Variants in HRH1 observed in about 807,000 individuals in gnomAD.
HRH1 encodes the protein histamine receptor H1, also known as histamine H1 receptor.
A neutral mutation model predicts 10.3 loss-of-function variants in HRH1; 6 were observed. That is an observed-to-expected ratio of 0.58 (90% CI 0.32 to 1.15). The LOEUF (loss-of-function observed/expected upper bound fraction) is 1.15. Among genes scored for constraint, HRH1 ranks in the 50% most tolerant of loss-of-function variants. The pLI is 0.05. For synonymous variants in HRH1, 242 were observed against 236.7 expected, an observed-to-expected ratio of 1.02 and a Z score of -0.21; for missense variants, 514 against 615.3, an observed-to-expected ratio of 0.84 and a Z score of 1.74.
At chr3:11,238,526 A>T (rs1026238913) in intron 1 of HRH1, among the ~76,000 whole-genome samples, 7 of 152,208 alleles carry the variant, frequency 4.6e-5, no homozygotes, top group Non-Finnish European at 8.8e-5. Flanking sequence ...CCACTGAAAA[A>T]TTTTAAAAAC....
chr3:11,180,627 C>G (rs1176398474), intron 1 of HRH1, among the ~76,000 whole-genome samples: 1 of 152,078 alleles, frequency 6.6e-6, no homozygotes, highest in African/African-American at 2.4e-5. Context: ...CACCTCCAGC[C>G]CCTGGCAACC....
upstream of HRH1, among the ~76,000 whole-genome samples, chr3:11,149,961 G>A (rs536523137): frequency 1.3e-5 from 2 of 152,304 alleles, no homozygotes; most frequent in East Asian, 1.9e-4. Flanking sequence ...TTCACTCACT[G>A]CAGTGCTCTG....
chr3:11,215,228 T>G (rs1341542255), intron 1 of HRH1, among the ~76,000 whole-genome samples: 1 of 152,246 alleles, frequency 6.6e-6, no homozygotes, highest in Non-Finnish European at 1.5e-5. Flanking sequence ...TATTTGACTT[T>G]GCTCCCATGG....
intron 1 of HRH1, among the ~76,000 whole-genome samples, chr3:11,244,045 C>T (rs950604793): frequency 2.0e-5 from 3 of 152,168 alleles, no homozygotes; most frequent in Non-Finnish European, 2.9e-5. Flanking sequence ...ATGAAATAGA[C>T]GTGAGGTCCA....
chr3:11,239,738 G>A (rs1939285772), intron 1 of HRH1, among the ~76,000 whole-genome samples: 1 of 152,048 alleles, frequency 6.6e-6, no homozygotes, highest in Non-Finnish European at 1.5e-5. Flanking sequence ...CATTTTGTCT[G>A]CTGCCTTCTT....
At position 11,212,308 on chromosome 3, in the gene HRH1, C is replaced by A. The variant is rs1004767697; in HGVS notation, c.-35-46695C>A. Among the ~76,000 whole-genome samples, 3 of 152,274 alleles carry A rather than the reference C, an allele frequency of 2.0e-5. No homozygotes were observed. In the East Asian group the frequency reaches 5.8e-4, roughly 29 times the overall value. ...TATATATGTATATATATTTTGGAGG[C>A]AAATGTGTCACTTTCAGATGGGTTC... On this transcript the variant is annotated intron_variant, in intron 1 of 1. Coordinates refer to ENST00000431010, the MANE Select transcript of HRH1 (RefSeq NM_001098212.2).
In HRH1 at chr3:11,189,674, G is replaced by A. The variant is rs560662061; in HGVS notation, c.-36+35120G>A. On this transcript the variant is annotated intron_variant, in intron 1 of 1. Coordinates refer to ENST00000431010, the MANE Select transcript of HRH1 (RefSeq NM_001098212.2). ...TGGCTGGGCGTGGTGGCTCACACCT[G>A]TAATCCCAACACTTTGAGAGGCCAA... Among the ~76,000 whole-genome samples the A allele has an allele frequency of 2.6e-5, 4 of 152,184 alleles. No homozygotes were observed. The South Asian group carries it at 8.3e-4, about 32-fold the overall frequency.
At position 11,248,040 on chromosome 3, in the gene HRH1, T is replaced by A. The variant is rs186114740; in HGVS notation, c.-35-10963T>A. ...TAGAATTTTTAGCTAACTCATTTATTTGATAAGGAGGTAAGGCCTTGTAAG... is the reference window on the plus strand; with the variant it reads ...TAGAATTTTTAGCTAACTCATTTATATGATAAGGAGGTAAGGCCTTGTAAG... On this transcript the variant is annotated intron_variant, in intron 1 of 1. Transcript: ENST00000431010. Among the ~76,000 whole-genome samples the A allele has an allele frequency of 1.5e-4, 23 of 152,338 alleles. 1 individual carries two copies. The highest frequency in any genetic ancestry group is 5.3e-4 in the African/African-American group (22 of 41,578).
intron 1 of HRH1, among the ~76,000 whole-genome samples, chr3:11,156,239 A>C (rs1482437165): frequency 6.6e-6 from 1 of 152,150 alleles, no homozygotes; most frequent in Non-Finnish European, 1.5e-5. Flanking sequence ...TTCATTTTCA[A>C]ATGTGACAGA....
At chr3:11,212,328 G>A (rs1208583801) in intron 1 of HRH1, among the ~76,000 whole-genome samples, 1 of 152,172 alleles carries the variant, frequency 6.6e-6, no homozygotes, top group African/African-American at 2.4e-5. Context: ...ACTTTCAGAT[G>A]GGTTCTTTTC....
upstream of HRH1, among the ~76,000 whole-genome samples, chr3:11,153,885 G>A (rs1462115290): frequency 2.0e-5 from 3 of 152,288 alleles, no homozygotes; most frequent in South Asian, 6.2e-4. Context: ...GTGTGAGGTT[G>A]TAGACCCTGG....
intron 1 of HRH1, among the ~76,000 whole-genome samples, chr3:11,162,491 T>TGTCGGCCGGGCGCGGTGGCTCAC (rs1559256651): frequency 6.1e-5 from 9 of 147,666 alleles, no homozygotes; most frequent in African/African-American, 1.6e-4. Context: ...AAAGAAGTAC[T>TGTCGGCCGGGCGCGGTGGCTCAC]GTCTGTTGAG....
chr3:11,169,403 T>A (rs895194258), intron 1 of HRH1, among the ~76,000 whole-genome samples: 1 of 151,888 alleles, frequency 6.6e-6, no homozygotes, highest in African/African-American at 2.4e-5. Context: ...AACGAAGAGA[T>A]GGGGGAAGTA....
chr3:11,175,742 A>G (rs1399724450), intron 1 of HRH1, among the ~76,000 whole-genome samples: 3 of 152,256 alleles, frequency 2.0e-5, no homozygotes. Flanking sequence ...AAAAATACAG[A>G]TGGATACACA....
At chr3:11,156,570 G>T (rs1217901828) in intron 1 of HRH1, among the ~76,000 whole-genome samples, 1 of 152,200 alleles carries the variant, frequency 6.6e-6, no homozygotes, top group Non-Finnish European at 1.5e-5. Context: ...ACCTGTTGGG[G>T]TTCACATCTC....
At chr3:11,254,701 G>A (rs1227214902) in intron 1 of HRH1, among the ~76,000 whole-genome samples, 1 of 152,192 alleles carries the variant, frequency 6.6e-6, no homozygotes, top group Non-Finnish European at 1.5e-5. Context: ...AGGAGAATGG[G>A]AATCCCAGAT....
At chr3:11,252,221 A>G (rs1343936909) in intron 1 of HRH1, among the ~76,000 whole-genome samples, 1 of 152,100 alleles carries the variant, frequency 6.6e-6, no homozygotes, top group African/African-American at 2.4e-5. Flanking sequence ...TCCTCCTTCA[A>G]TCCATTCAAG....
At chr3:11,212,855 G>A (rs1394891544) in intron 1 of HRH1, among the ~76,000 whole-genome samples, 4 of 152,036 alleles carry the variant, frequency 2.6e-5, no homozygotes, top group African/African-American at 7.2e-5. Context: ...TGTCACCTAA[G>A]TTTATCTCCC....
At chr3:11,251,508 G>A (rs534043459) in intron 1 of HRH1, among the ~76,000 whole-genome samples, 2 of 152,286 alleles carry the variant, frequency 1.3e-5, no homozygotes, top group South Asian at 4.1e-4. Flanking sequence ...GGGTGTCTCC[G>A]TCTACTGCTG....
Sources: gnomAD v4.1 joint callset for allele counts (sites outside exome capture counted in the v4.1 genomes callset) on GRCh38, gnomAD v4.1.1 for gene constraint, MANE v1.5 for transcripts, NCBI Gene and HGNC (gene_info 2026-07-23, HGNC 2026-07-21) for gene names.